PPP1R1B: variants seen among roughly 807,000 people sequenced by gnomAD.
The protein encoded by PPP1R1B is protein phosphatase 1 regulatory subunit 1B.
Under a neutral mutation model 28.2 loss-of-function variants are expected in PPP1R1B, and 13 were observed. That is an observed-to-expected ratio of 0.46 (90% CI 0.30 to 0.73). PPP1R1B has a LOEUF of 0.73. PPP1R1B is among the 30% of genes least tolerant of loss of function. PPP1R1B has a pLI of 0.07. For synonymous variants in PPP1R1B, 102 were observed against 97.5 expected (o/e 1.05, Z -0.27); for missense variants, 236 against 256.7 (o/e 0.92, Z 0.55).
In PPP1R1B at chr17:39,633,983, G is replaced by A. The variant is rs1041507636; in HGVS notation, c.342G>A (p.Leu114=). 1.2e-6 allele frequency: 2 copies of A among 1,613,942 alleles called. No homozygotes were observed. The highest frequency in any genetic ancestry group is 2.7e-5 in the African/African-American group (2 of 75,052). ...ATGAGCTGGGGGAGCTTCGGGAGCTGGGTTATCCAAGAGAGGAAGATGAGG... is the reference window on the plus strand; with the variant it reads ...ATGAGCTGGGGGAGCTTCGGGAGCTAGGTTATCCAAGAGAGGAAGATGAGG... The part of the protein sequence containing the change: ...EEDELGELRE[L]GYPREEDEEE... Residue 114 remains leucine (L), a synonymous_variant, in exon 5 of 7, where the codon CTG becomes CTA. Coordinates refer to ENST00000254079, the MANE Select transcript of PPP1R1B (RefSeq NM_032192.4).
In PPP1R1B at chr17:39,633,675, T is replaced by C. The variant is rs2056894668; in HGVS notation, c.242-208T>C. Reference sequence around the variant, plus strand: ...CTTAGGACAGCTTAAGAGCCAAACATGATCAAATCTACCCCTGGCTGCCTC... The same window carrying C: ...CTTAGGACAGCTTAAGAGCCAAACACGATCAAATCTACCCCTGGCTGCCTC... On this transcript the variant is annotated intron_variant, in intron 4 of 6. Transcript: ENST00000254079. 9 of 717,004 alleles carry C rather than the reference T, an allele frequency of 1.3e-5. No individual in the cohort carries two copies. In the South Asian group the frequency reaches 1.3e-4, roughly 10 times the overall value. The allele number at this position is 717,004 out of a possible 1,614,324, so 44.4% of individuals were successfully genotyped here. A position where few individuals can be genotyped will look rare whatever the true frequency, so the allele number is the denominator to read the frequency against.
chr17:39,635,928 T>C lies in PPP1R1B; in HGVS notation c.*63T>C. On this transcript the variant is annotated 3_prime_UTR_variant, in exon 7 of 7. Coordinates refer to ENST00000254079, the MANE Select transcript of PPP1R1B (RefSeq NM_032192.4). ...ACATCGCTGTTCCCCAGAAACCCAC[T>C]CTATCCTCACCCTGTTTTGTGCTCT... 1 of 1,567,566 alleles carries C rather than the reference T, an allele frequency of 6.4e-7. No homozygotes were observed. Among genetic ancestry groups the C allele is most frequent in the Non-Finnish European group, 8.7e-7 (1 of 1,147,882 alleles).
At chr17:39,634,445 C>A (rs1056857388) in intron 5 of PPP1R1B, among the ~76,000 whole-genome samples, 1 of 152,230 alleles carries the variant, frequency 6.6e-6, no homozygotes, top group Admixed American at 6.5e-5. Context: ...TCCAACACCC[C>A]TGTCACCTGC....
intron 1 of PPP1R1B, chr17:39,628,727 G>A (rs749312693): frequency 1.0e-6 from 1 of 994,518 alleles, no homozygotes; most frequent in Non-Finnish European, 1.2e-6. Context: ...CCACATGGGT[G>A]CCATGGCCCG....
At chr17:39,627,757 G>A (rs1404971305) in intron 1 of PPP1R1B, among the ~76,000 whole-genome samples, 1 of 151,726 alleles carries the variant, frequency 6.6e-6, no homozygotes, top group Admixed American at 6.6e-5. Context: ...GACCGCCCAG[G>A]AGTGGGGTGG....
chr17:39,635,281 T>C (rs2056909703), intron 5 of PPP1R1B, among the ~76,000 whole-genome samples: 1 of 151,994 alleles, frequency 6.6e-6, no homozygotes, highest in Non-Finnish European at 1.5e-5. Flanking sequence ...CAAATGATAG[T>C]CCTATGATGG....
intron 1 of PPP1R1B, chr17:39,628,500 T>C (rs974613987): frequency 1.0e-6 from 1 of 985,436 alleles, no homozygotes; most frequent in African/African-American, 1.7e-5. Context: ...AGGGCAACTT[T>C]TCATTTCTCA....
chr17:39,629,591 G>T, intron 3 of PPP1R1B, 29 bp downstream of exon 3: 2 of 1,612,934 alleles, frequency 1.2e-6, no homozygotes, highest in Non-Finnish European at 8.5e-7. Context: ...CTGGAAGGAG[G>T]GATGCCTGGG....
Position 39,629,523 on chromosome 17 carries a change from T to C in PPP1R1B, c.143-17T>C, listed in dbSNP as rs746593077. The C allele has an allele frequency of 6.2e-6, 10 of 1,613,592 alleles. No individual in the cohort carries two copies. Among genetic ancestry groups the C allele is most frequent in the Non-Finnish European group, 6.8e-6 (8 of 1,179,976 alleles). On this transcript the variant is annotated splice_polypyrimidine_tract_variant and intron_variant, in intron 2 of 6. Transcript: ENST00000254079. ...TCGCTTGGTTCTGGTTCGGTTGGCT[T>C]TGGTGGCCTTCCTCAGAGGAGGAAG...
chr17:39,630,181 A>G, intron 4 of PPP1R1B, 134 bp downstream of exon 4: 1 of 824,636 alleles, frequency 1.2e-6, no homozygotes, highest in Non-Finnish European at 2.0e-6. Context: ...GCAACAACCC[A>G]ACGTAAAGAC....
chr17:39,629,256 C>A lies in PPP1R1B; in HGVS notation c.142+26C>A, dbSNP rs775772142. On this transcript the variant is annotated intron_variant, in intron 2 of 6. Coordinates refer to ENST00000254079, the MANE Select transcript of PPP1R1B (RefSeq NM_032192.4). ...GTAGGCCCCTCCCTGCCCACTTAGCCCTGGCCCCACCCTAGCTCTGATGCC... is the reference window on the plus strand; with the variant it reads ...GTAGGCCCCTCCCTGCCCACTTAGCACTGGCCCCACCCTAGCTCTGATGCC... The A allele has an allele frequency of 1.2e-5, 20 of 1,608,078 alleles. No individual in the cohort carries two copies. In the East Asian group the frequency reaches 4.5e-4, roughly 36 times the overall value.
chr17:39,636,437 C>G lies in PPP1R1B; in HGVS notation c.*572C>G, dbSNP rs908978423. 6.5e-6 allele frequency: 1 copy of G among 153,292 alleles called. No individual in the cohort carries two copies. The highest frequency in any genetic ancestry group is 2.4e-5 in the African/African-American group (1 of 41,452). The allele number at this position is 153,292 out of a possible 1,614,324, so 9.5% of individuals were successfully genotyped here. A position where few individuals can be genotyped will look rare whatever the true frequency, so the allele number is the denominator to read the frequency against. Reference sequence around the variant, plus strand: ...TCCTCCTGGGTGCCTGGAAGATGGACTGGCAGAGACCTCTTTGTTGCGTTT... The same window carrying G: ...TCCTCCTGGGTGCCTGGAAGATGGAGTGGCAGAGACCTCTTTGTTGCGTTT... On this transcript the variant is annotated 3_prime_UTR_variant, in exon 7 of 7. Coordinates refer to ENST00000254079, the MANE Select transcript of PPP1R1B (RefSeq NM_032192.4).
chr17:39,633,610 A>C, intron 4 of PPP1R1B: 1 of 398,590 alleles, frequency 2.5e-6, no homozygotes, highest in Non-Finnish European at 4.7e-6. Flanking sequence ...TGCCCAGCCT[A>C]GTGCCCTATG....
In PPP1R1B at chr17:39,629,856, C is replaced by T. The variant is rs1340446683; in HGVS notation, c.166-116C>T. 2.7e-6 allele frequency: 3 copies of T among 1,121,002 alleles called. No homozygotes were observed. In the African/African-American group the frequency reaches 4.6e-5, roughly 17 times the overall value. The allele number at this position is 1,121,002 out of a possible 1,614,324, so 69.4% of individuals were successfully genotyped here. On this transcript the variant is annotated intron_variant, in intron 3 of 6. Transcript: ENST00000254079. Reference sequence around the variant, plus strand: ...GGGGAGGCTCAGCCTAGGTGCAGGACCCATTAGCAGTGGCTAAATCAGTCT... The same window carrying T: ...GGGGAGGCTCAGCCTAGGTGCAGGATCCATTAGCAGTGGCTAAATCAGTCT...
chr17:39,634,408 A>C (rs2056901874), intron 5 of PPP1R1B, among the ~76,000 whole-genome samples: 2 of 152,334 alleles, frequency 1.3e-5, no homozygotes, highest in South Asian at 2.1e-4. Context: ...GGGCGTGAGG[A>C]CATTCAGGGA....
At position 39,629,393 on chromosome 17, in the gene PPP1R1B, C is replaced by T. The variant is rs1249834634; in HGVS notation, c.143-147C>T. ...GGCTTTATTTATTGACATGACACCT[C>T]CCAGCCGCAGGAGGGAGAGGGCACA... On this transcript the variant is annotated intron_variant, in intron 2 of 6. Transcript: ENST00000254079. The T allele has an allele frequency of 4.7e-6, 6 of 1,281,306 alleles. No homozygotes were observed. In the Admixed American group the frequency reaches 7.1e-5, roughly 15 times the overall value. The allele number at this position is 1,281,306 out of a possible 1,614,324, so 79.4% of individuals were successfully genotyped here.
intron 2 of PPP1R1B, 101 bp downstream of exon 2, chr17:39,629,331 C>A: frequency 1.5e-6 from 2 of 1,363,284 alleles, no homozygotes; most frequent in Non-Finnish European, 2.1e-6. Context: ...AAGCTGGAGA[C>A]TGGGGAGTGG....
intron 4 of PPP1R1B, chr17:39,632,487 T>G (rs16965199): frequency 0.038 from 5,858 of 152,372 alleles, 172 homozygotes; most frequent in African/African-American, 0.081. Context: ...TTTGTAGGCT[T>G]CAGTCCTTTT....
rs2056843528 is a variant in PPP1R1B at position 39,627,183 on chromosome 17, C to G, written c.-210C>G. 2.1e-6 allele frequency: 1 copy of G among 486,062 alleles called. No individual in the cohort carries two copies. The highest frequency in any genetic ancestry group is 3.6e-6 in the Non-Finnish European group (1 of 277,708). The allele number at this position is 486,062 out of a possible 1,614,324, so 30.1% of individuals were successfully genotyped here. On this transcript the variant is annotated 5_prime_UTR_variant, in exon 1 of 7. Coordinates refer to ENST00000254079, the MANE Select transcript of PPP1R1B (RefSeq NM_032192.4). ...AGCGCGGGGGGCGAGCCCCGAGTCC[C>G]GAGAGCCTGGGGGCGCGCCCAGCCC...
Sources: gnomAD v4.1 joint callset for allele counts (sites outside exome capture counted in the v4.1 genomes callset) on GRCh38, gnomAD v4.1.1 for gene constraint, MANE v1.5 for transcripts, NCBI Gene and HGNC (gene_info 2026-07-23, HGNC 2026-07-21) for gene names.